Variants in CRPPA observed in about 807,000 individuals in gnomAD.
CRPPA encodes the protein D-ribitol-5-phosphate cytidylyltransferase.
Under a neutral mutation model 52.0 loss-of-function variants are expected in CRPPA, and 43 were observed. That is an observed-to-expected ratio of 0.83 (90% CI 0.65 to 1.07). The LOEUF is 1.07. CRPPA is among the 50% of genes least tolerant of loss of function. The pLI, the probability that CRPPA is intolerant of heterozygous loss-of-function variation, is 0.00. For synonymous variants in CRPPA, 250 were observed against 203.5 expected, an observed-to-expected ratio of 1.23 and a Z score of -1.94; for missense variants, 629 against 551.7, an observed-to-expected ratio of 1.14 and a Z score of -1.40.
intron 2 of CRPPA, among the ~76,000 whole-genome samples, chr7:16,378,164 G>C (rs1378271817): frequency 6.6e-6 from 1 of 151,432 alleles, no homozygotes; most frequent in Non-Finnish European, 1.5e-5. Flanking sequence ...CAATGTGCAG[G>C]TTAGTTACAT....
At chr7:16,314,220 C>T (rs1234982522) in intron 3 of CRPPA, among the ~76,000 whole-genome samples, 1 of 151,712 alleles carries the variant, frequency 6.6e-6, no homozygotes, top group Non-Finnish European at 1.5e-5. Context: ...GTTTTATATC[C>T]TTGGAAGATT....
chr7:16,225,073 A>G (rs1782612994), intron 8 of CRPPA, among the ~76,000 whole-genome samples: 3 of 152,162 alleles, frequency 2.0e-5, no homozygotes, highest in Admixed American at 2.0e-4. Flanking sequence ...GGTAGTAAAC[A>G]AAACACATTG....
chr7:16,345,497 G>T (rs2128306877), intron 3 of CRPPA, among the ~76,000 whole-genome samples: 1 of 152,188 alleles, frequency 6.6e-6, no homozygotes, highest in East Asian at 1.9e-4. Context: ...TTATTGCCCT[G>T]ATTTATATGA....
At chr7:16,270,409 T>C (rs1265589277) in intron 6 of CRPPA, 1 of 152,158 alleles carries the variant, frequency 6.6e-6, no homozygotes, top group Non-Finnish European at 1.5e-5. Context: ...CAAATTATCC[T>C]AGCTCCCTCA....
At chr7:16,270,450 A>C (rs1784065615) in intron 6 of CRPPA, 1 of 152,192 alleles carries the variant, frequency 6.6e-6, no homozygotes, top group East Asian at 1.9e-4. Flanking sequence ...ACAATCAGTT[A>C]TTAATATAAA....
At chr7:16,394,860 G>C (rs1268999267) in intron 2 of CRPPA, among the ~76,000 whole-genome samples, 1 of 152,124 alleles carries the variant, frequency 6.6e-6, no homozygotes, top group African/African-American at 2.4e-5. Context: ...ATAACTTCTT[G>C]GCTGACTCCA....
intron 2 of CRPPA, among the ~76,000 whole-genome samples, chr7:16,397,161 A>C (rs4637711): frequency 0.1 from 15,522 of 152,338 alleles, 966 homozygotes; most frequent in East Asian, 0.25. Flanking sequence ...CATTAGCAAA[A>C]TGCCAATGAC....
chr7:16,398,294 G>C (rs1787673159), intron 2 of CRPPA, among the ~76,000 whole-genome samples: 1 of 151,576 alleles, frequency 6.6e-6, no homozygotes. Context: ...ACAAACACGT[G>C]ACTGACAGGT....
intron 9 of CRPPA, among the ~76,000 whole-genome samples, chr7:16,192,981 G>A (rs1031395394): frequency 6.6e-6 from 1 of 151,950 alleles, no homozygotes; most frequent in African/African-American, 2.4e-5. Context: ...TAAATCAGTT[G>A]GTATGAGTCA....
intron 9 of CRPPA, among the ~76,000 whole-genome samples, chr7:16,150,477 G>A (rs1783056364): frequency 6.6e-6 from 1 of 152,138 alleles, no homozygotes; most frequent in Non-Finnish European, 1.5e-5. Flanking sequence ...AGAAACCCAT[G>A]ACACTTTGAA....
chr7:16,302,295 C>CAAA (rs34666735), intron 4 of CRPPA, among the ~76,000 whole-genome samples: 9,450 of 53,242 alleles, frequency 0.18, 2,285 homozygotes, highest in East Asian at 0.36. Flanking sequence ...GACTCTGTCT[C>CAAA]AAAAAAAAAA....
chr7:16,396,178 C>T (rs2128315753), intron 2 of CRPPA, among the ~76,000 whole-genome samples: 1 of 152,278 alleles, frequency 6.6e-6, no homozygotes. Flanking sequence ...TATCCCCATG[C>T]AGAAGCCAGG....
At chr7:16,204,967 T>C (rs1403967628) in intron 9 of CRPPA, among the ~76,000 whole-genome samples, 3 of 152,184 alleles carry the variant, frequency 2.0e-5, no homozygotes, top group Admixed American at 6.5e-5. Flanking sequence ...CTAGAGGAGA[T>C]ATCTCTCCAC....
At chr7:16,310,570 C>T (rs551987195) in intron 3 of CRPPA, among the ~76,000 whole-genome samples, 95 of 151,978 alleles carry the variant, frequency 6.3e-4, no homozygotes, top group African/African-American at 2.0e-3. Context: ...AATCAGGTGA[C>T]GGGGTAATAT....
intron 9 of CRPPA, among the ~76,000 whole-genome samples, chr7:16,180,462 T>C (rs1781389057): frequency 6.6e-6 from 1 of 152,144 alleles, no homozygotes; most frequent in East Asian, 1.9e-4. Flanking sequence ...TTACACTTTT[T>C]TAATAAGATG....
intron 8 of CRPPA, 135 bp from the exon 9 acceptor site, chr7:16,216,332 G>C: frequency 3.5e-6 from 2 of 567,974 alleles, no homozygotes; most frequent in Admixed American, 3.5e-5. Context: ...TTAATCTCTA[G>C]TTATGCTTCA....
chr7:16,258,450 C>A lies in CRPPA; in HGVS notation c.1059G>T (p.Lys353Asn). 1 of 1,605,326 alleles carries A rather than the reference C, an allele frequency of 6.2e-7. No homozygotes were observed. Among genetic ancestry groups the A allele is most frequent in the Non-Finnish European group, 8.5e-7 (1 of 1,175,626 alleles). The change falls in exon 8 of 10, where the codon AAG becomes AAT. Residue 353 changes from lysine (K) to asparagine (N), a missense_variant. Coordinates refer to ENST00000407010, the MANE Select transcript of CRPPA (RefSeq NM_001101426.4). ...VTTSDFQETQ[K>N]LLSMLEESSL... ...TACTCTCTTCAAGCATGCTCAGTAA[C>A]TTCTGGGTTTCTTGAAAATCAGAGG...
At chr7:16,419,340 G>A (rs994459583) in intron 1 of CRPPA, among the ~76,000 whole-genome samples, 1 of 152,194 alleles carries the variant, frequency 6.6e-6, no homozygotes, top group East Asian at 1.9e-4. Context: ...ACTCCATCTT[G>A]CTTCTAACCA....
intron 5 of CRPPA, among the ~76,000 whole-genome samples, chr7:16,284,916 G>T (rs1355832770): frequency 1.3e-5 from 2 of 152,064 alleles, no homozygotes; most frequent in Non-Finnish European, 2.9e-5. Flanking sequence ...TGGGAGCAGG[G>T]CTCCAATAAA....
Sources: allele counts gnomAD v4.1 joint callset (sites outside exome capture counted in the v4.1 genomes callset), GRCh38; gene constraint gnomAD v4.1.1; transcripts MANE v1.5; gene names NCBI Gene and HGNC (gene_info 2026-07-23, HGNC 2026-07-21).